The following GRIN2B variants were observed in gnomAD, a reference collection of about 807,000 sequenced individuals.
GRIN2B encodes glutamate ionotropic receptor NMDA type subunit 2B, also known as glutamate receptor ionotropic, NMDA 2B.
Under a neutral mutation model 114.5 loss-of-function variants are expected in GRIN2B, and 5 were observed. That is an observed-to-expected ratio of 0.04 (90% CI 0.02 to 0.09). The LOEUF (loss-of-function observed/expected upper bound fraction) is 0.09. Ranked by LOEUF, GRIN2B falls within the 10% of genes least tolerant of loss-of-function variation. GRIN2B has a pLI of 1.00. For synonymous variants in GRIN2B, 787 were observed against 745.1 expected (o/e 1.06, Z -0.92); for missense variants, 1,108 against 1,943.5 (o/e 0.57, Z 8.08).
At chr12:13,629,505 A>C (rs568666494) in intron 5 of GRIN2B, among the ~76,000 whole-genome samples, 2 of 152,258 alleles carry the variant, frequency 1.3e-5, no homozygotes, top group Non-Finnish European at 2.9e-5. Context: ...ATCTGACTGC[A>C]TCCTTACCCT....
At chr12:13,627,435 T>C (rs187801434) in intron 5 of GRIN2B, among the ~76,000 whole-genome samples, 4 of 152,336 alleles carry the variant, frequency 2.6e-5, no homozygotes, top group Admixed American at 2.6e-4. Context: ...TAAAATAATG[T>C]ACATAAAGTG....
rs77819497 is a variant in GRIN2B, at chr12:13,756,179, C to A, written c.412-2264G>T. ...TACAGGCGCCCACCACCATGCCAGG[C>A]TAATTTTTGTATTTTTAGTAGAGAA... is the stretch of plus-strand genomic sequence containing the variant. On this transcript the variant is annotated intron_variant, in intron 3 of 13. Coordinates refer to ENST00000609686, the MANE Select transcript of GRIN2B (RefSeq NM_000834.5). Among the ~76,000 whole-genome samples the A allele has an allele frequency of 2.6e-5, 4 of 152,120 alleles. No homozygotes were observed. The East Asian group carries it at 5.8e-4, about 22-fold the overall frequency.
chr12:13,722,879 C>T (rs1051576811), intron 4 of GRIN2B, among the ~76,000 whole-genome samples: 15 of 152,126 alleles, frequency 9.9e-5, no homozygotes, highest in Admixed American at 4.6e-4. Flanking sequence ...CACCACTGTG[C>T]ACCACTTCAA....
chr12:13,739,421 A>C (rs1322143668), intron 4 of GRIN2B, among the ~76,000 whole-genome samples: 2 of 150,610 alleles, frequency 1.3e-5, no homozygotes, highest in African/African-American at 4.9e-5. Context: ...GGAAAAAAAA[A>C]GCTAACTTCT....
chr12:13,914,463 C>T (rs117355838), intron 2 of GRIN2B, among the ~76,000 whole-genome samples: 2,365 of 152,274 alleles, frequency 0.016, 20 homozygotes, highest in Non-Finnish European at 0.019. Context: ...CCCTCACACA[C>T]TGTGGGTGAG....
At chr12:13,868,455 T>TAC (rs71436778) in intron 2 of GRIN2B, among the ~76,000 whole-genome samples, 8,808 of 148,842 alleles carry the variant, frequency 0.059, 529 homozygotes, top group African/African-American at 0.15. Flanking sequence ...GTGGACAAAG[T>TAC]ACACACACAC....
Position 13,545,976 on chromosome 12 carries a change from G to A in GRIN2B, c.*16807C>T, listed in dbSNP as rs938703268. Reference sequence around the variant, plus strand: ...ATCTGTAAAATGCCTATTTGTAATCGAATCTAGCAATTTTCTTTCTGAAGT... The same window carrying A: ...ATCTGTAAAATGCCTATTTGTAATCAAATCTAGCAATTTTCTTTCTGAAGT... On this transcript the variant is annotated 3_prime_UTR_variant, in exon 14 of 14. Transcript: ENST00000609686. 3.9e-5 allele frequency: 6 copies of A among 152,056 alleles called. No individual in the cohort carries two copies. Among genetic ancestry groups the A allele is most frequent in the African/African-American group, 1.2e-4 (5 of 41,390 alleles). 9.4% of individuals were successfully genotyped at this position (152,056 alleles called of 1,614,324 possible). A position where few individuals can be genotyped will look rare whatever the true frequency, so the allele number is the denominator to read the frequency against.
intron 5 of GRIN2B, chr12:13,634,395 C>T (rs1949647132): frequency 6.6e-6 from 1 of 152,170 alleles, no homozygotes; most frequent in Non-Finnish European, 1.5e-5. Context: ...GCTCGTGTAA[C>T]CACATTGAGG....
At chr12:13,982,114 A>C (rs1863153236), upstream of GRIN2B, among the ~76,000 whole-genome samples, 1 of 122,480 alleles carries the variant, frequency 8.2e-6, no homozygotes, top group Non-Finnish European at 1.7e-5. Flanking sequence ...TGTGCTGGGG[A>C]AGTGGGGTGG....
At chr12:13,757,666 C>A (rs1430693560) in intron 3 of GRIN2B, among the ~76,000 whole-genome samples, 2 of 152,112 alleles carry the variant, frequency 1.3e-5, no homozygotes, top group African/African-American at 2.4e-5. Flanking sequence ...CTTCAACTCA[C>A]CTCAAGAGCA....
intron 3 of GRIN2B, among the ~76,000 whole-genome samples, chr12:13,811,585 T>C (rs1463185800): frequency 6.6e-6 from 1 of 152,168 alleles, no homozygotes; most frequent in Admixed American, 6.5e-5. Context: ...GTCTTTTAAA[T>C]AAATAAATAT....
intron 3 of GRIN2B, among the ~76,000 whole-genome samples, chr12:13,813,550 C>A (rs2136686427): frequency 6.6e-6 from 1 of 152,244 alleles, no homozygotes; most frequent in Non-Finnish European, 1.5e-5. Context: ...CATTAATGAG[C>A]CCCTACTATG....
At chr12:13,777,445 G>C (rs1864025149) in intron 3 of GRIN2B, among the ~76,000 whole-genome samples, 1 of 152,156 alleles carries the variant, frequency 6.6e-6, no homozygotes, top group Non-Finnish European at 1.5e-5. Context: ...GTTGGGAAAA[G>C]GGAAAGAGGC....
At position 13,587,115 on chromosome 12, in the gene GRIN2B, C is replaced by T. The variant is rs142575089; in HGVS notation, c.2011-15151G>A. 5.1e-3 allele frequency among the ~76,000 whole-genome samples: 773 copies of T among 152,042 alleles called. 11 individuals carry two copies. Among genetic ancestry groups the T allele is most frequent in the African/African-American group, 0.018 (727 of 41,496 alleles). ...TTAAATATTAATATATCACACCATA[C>T]AACATATAAATTCTATTAACATATA... On this transcript the variant is annotated intron_variant, in intron 10 of 13. Transcript: ENST00000609686.
In GRIN2B at chr12:13,550,131, T is replaced by C. The variant is rs538493405; in HGVS notation, c.*12652A>G. ...TGCTTTGACTTCTCATCTGTAAAAC[T>C]GAAAGATGATCTTATTTCCAAGTCA... On this transcript the variant is annotated 3_prime_UTR_variant, in exon 14 of 14. Transcript: ENST00000609686. The C allele has an allele frequency of 6.6e-6, 1 of 152,204 alleles. No individual in the cohort carries two copies. Among genetic ancestry groups the C allele is most frequent in the Non-Finnish European group, 1.5e-5 (1 of 68,030 alleles). The allele number at this position is 152,204 out of a possible 1,614,324, so 9.4% of individuals were successfully genotyped here.
At chr12:13,694,656 CATATATATATATATAT>C (rs67570541) in intron 4 of GRIN2B, among the ~76,000 whole-genome samples, 3,234 of 71,292 alleles carry the variant, frequency 0.045, 124 homozygotes, top group South Asian at 0.077. Flanking sequence ...AAGAAAATGT[CATATATATATATATAT>C]ATATATATAT....
At chr12:13,742,190 T>C (rs1443875858) in intron 4 of GRIN2B, among the ~76,000 whole-genome samples, 1 of 152,218 alleles carries the variant, frequency 6.6e-6, no homozygotes, top group African/African-American at 2.4e-5. Flanking sequence ...GGGGCGTAGA[T>C]GACATTTCTC....
At chr12:13,954,897 G>C (rs1164627755) in intron 2 of GRIN2B, among the ~76,000 whole-genome samples, 1 of 148,382 alleles carries the variant, frequency 6.7e-6, no homozygotes, top group Non-Finnish European at 1.5e-5. Context: ...TTGCAAAAGG[G>C]AAGAAAAATT....
In GRIN2B at chr12:13,698,921, G is replaced by A. The variant is rs987988223; in HGVS notation, c.1011-23062C>T. Among the ~76,000 whole-genome samples, 6 of 152,226 alleles carry A rather than the reference G, an allele frequency of 3.9e-5. No individual in the cohort carries two copies. In the South Asian group the frequency reaches 1.0e-3, roughly 26 times the overall value. On this transcript the variant is annotated intron_variant, in intron 4 of 13. Coordinates refer to ENST00000609686, the MANE Select transcript of GRIN2B (RefSeq NM_000834.5). ...TGGTCTCGAACTCCTGACCTCAGGT[G>A]ATCCACCTGCCTCAGCCTCCCAAAG...
Sources: gnomAD v4.1 joint callset for allele counts (sites outside exome capture counted in the v4.1 genomes callset) on GRCh38, gnomAD v4.1.1 for gene constraint, MANE v1.5 for transcripts, NCBI Gene and HGNC (gene_info 2026-07-23, HGNC 2026-07-21) for gene names.